Variants in BANK1 observed in about 807,000 individuals in gnomAD.
BANK1 encodes the protein B-cell scaffold protein with ankyrin repeats.
In BANK1, 95 loss-of-function variants were observed where a neutral mutation model predicts 94.5. That is an observed-to-expected ratio of 1.00 (90% CI 0.85 to 1.19). The LOEUF is 1.19. Among genes scored for constraint, BANK1 ranks in the 50% most tolerant of loss-of-function variants. The probability of loss-of-function intolerance (pLI) is 0.00; values close to 1 mark genes in which losing one functional copy is unlikely to be tolerated. For missense variants in BANK1, 987 were observed against 932.2 expected (o/e 1.06, Z -0.77); for synonymous variants, 334 against 308.4 (o/e 1.08, Z -0.87).
rs757524477 is a variant in BANK1, at chr4:101,790,943, G to A, written c.63G>A (p.Ala21=). ...CGGACCCCGCCCCCTGCGGCCCAGCGCCCCCAGGTGGGTAGTCGCGCATTC... is the reference window on the plus strand; with the variant it reads ...CGGACCCCGCCCCCTGCGGCCCAGCACCCCCAGGTGGGTAGTCGCGCATTC... The part of the protein sequence containing the change: ...GSPDPAPCGP[A]PPGNTKDIIM... Residue 21 remains alanine, a synonymous_variant, in exon 1 of 17, where the codon GCG becomes GCA. Coordinates refer to ENST00000322953, the MANE Select transcript of BANK1 (RefSeq NM_017935.5). 8.8e-5 allele frequency: 133 copies of A among 1,519,676 alleles called. No homozygotes were observed. In the South Asian group the frequency reaches 1.3e-3, roughly 15 times the overall value. The allele number at this position is 1,519,676 out of a possible 1,614,324, so 94.1% of individuals were successfully genotyped here. A position where few individuals can be genotyped will look rare whatever the true frequency, so the allele number is the denominator to read the frequency against.
intron 3 of BANK1, among the ~76,000 whole-genome samples, chr4:101,857,248 C>T (rs1165957993): frequency 2.0e-5 from 3 of 152,172 alleles, no homozygotes; most frequent in Admixed American, 1.3e-4. Flanking sequence ...CTCAGTCAGT[C>T]ACCAGGTCTT....
intron 8 of BANK1, among the ~76,000 whole-genome samples, chr4:102,021,838 A>G (rs887970388): frequency 1.7e-4 from 26 of 152,112 alleles, no homozygotes; most frequent in Non-Finnish European, 2.8e-4. Flanking sequence ...GGAATACACA[A>G]ATAACTCTGT....
intron 1 of BANK1, among the ~76,000 whole-genome samples, chr4:101,811,136 C>T (rs914298571): frequency 1.3e-5 from 2 of 152,142 alleles, no homozygotes; most frequent in Non-Finnish European, 1.5e-5. Context: ...TTCTATGAGT[C>T]TTTGTGCTAG....
rs868322060 is a variant in BANK1, at chr4:102,073,761, C to T, written c.*5+13C>T. 2 of 1,592,430 alleles carry T rather than the reference C, an allele frequency of 1.3e-6. No homozygotes were observed. The highest frequency in any genetic ancestry group is 1.7e-4 in the Middle Eastern group (1 of 5,994). ...ATCATTAAAGAAGGTAAAATATTAG[C>T]TGTGTATATTTTTTAGAAAATCTAA... is the stretch of plus-strand genomic sequence containing the variant. On this transcript the variant is annotated intron_variant, in intron 16 of 16. Coordinates refer to ENST00000322953, the MANE Select transcript of BANK1 (RefSeq NM_017935.5).
intron 7 of BANK1, among the ~76,000 whole-genome samples, chr4:101,922,788 A>G (rs987384511): frequency 1.1e-4 from 17 of 151,886 alleles, no homozygotes; most frequent in Admixed American, 7.2e-4. Context: ...AATAAGTCAC[A>G]TAATTGCATT....
intron 7 of BANK1, among the ~76,000 whole-genome samples, chr4:101,934,967 A>T (rs934753561): frequency 2.0e-5 from 3 of 151,410 alleles, no homozygotes; most frequent in Non-Finnish European, 1.5e-5. Context: ...TGACCATACT[A>T]TTTAAAATTG....
At chr4:101,995,166 G>C (rs925454806) in intron 7 of BANK1, among the ~76,000 whole-genome samples, 1 of 151,606 alleles carries the variant, frequency 6.6e-6, no homozygotes, top group African/African-American at 2.4e-5. Context: ...TTCTGATTCA[G>C]CTCCCTCTTA....
At chr4:101,929,526 G>T (rs144632410) in intron 7 of BANK1, among the ~76,000 whole-genome samples, 1 of 151,280 alleles carries the variant, frequency 6.6e-6, no homozygotes, top group African/African-American at 2.4e-5. Context: ...ACTGTATATG[G>T]CTTTCAAAAC....
intron 13 of BANK1, among the ~76,000 whole-genome samples, chr4:102,064,754 A>C (rs1728534005): frequency 6.6e-6 from 1 of 152,236 alleles, no homozygotes; most frequent in African/African-American, 2.4e-5. Context: ...AAGACTATGA[A>C]TAATTCTAGA....
intron 7 of BANK1, among the ~76,000 whole-genome samples, chr4:102,006,974 TA>T (rs1464884974): frequency 6.6e-5 from 9 of 135,472 alleles, no homozygotes; most frequent in South Asian, 2.3e-4. Context: ...TTTTTTAAAG[TA>T]AAAAAAAAGA....
intron 7 of BANK1, among the ~76,000 whole-genome samples, chr4:101,920,812 G>A (rs192482484): frequency 6.6e-6 from 1 of 151,930 alleles, no homozygotes; most frequent in East Asian, 1.9e-4. Flanking sequence ...AATAAAGTGG[G>A]TAGAAGGAAA....
In BANK1 at chr4:101,803,997, C is replaced by CA. The variant is rs55704915; in HGVS notation, c.70+13075dup. Among the ~76,000 whole-genome samples the CA allele has an allele frequency of 8.4e-3, 574 of 68,390 alleles. 51 individuals carry two copies. The highest frequency in any genetic ancestry group is 0.011 in the Non-Finnish European group (437 of 41,594). 44.9% of individuals were successfully genotyped at this position (68,390 alleles called of 152,430 possible). A position where few individuals can be genotyped will look rare whatever the true frequency, so the allele number is the denominator to read the frequency against. On this transcript the variant is annotated intron_variant, in intron 1 of 16. Transcript: ENST00000322953. Reference sequence around the variant, plus strand: ...TGGGCGACAGAGCGAGACTCCGTCTCAAAAAAAAAAAAAAAAAAAAAAAAA... The same window carrying CA: ...TGGGCGACAGAGCGAGACTCCGTCTCAAAAAAAAAAAAAAAAAAAAAAAAAA...
At chr4:101,867,229 C>A (rs1728108637) in intron 4 of BANK1, among the ~76,000 whole-genome samples, 2 of 136,984 alleles carry the variant, frequency 1.5e-5, no homozygotes, top group African/African-American at 5.2e-5. Context: ...AGAAACCACA[C>A]AAGCAAGAAA....
intron 1 of BANK1, among the ~76,000 whole-genome samples, chr4:101,823,416 C>T (rs917595324): frequency 2.6e-5 from 4 of 152,100 alleles, no homozygotes; most frequent in African/African-American, 9.7e-5. Flanking sequence ...TTGAGTATGG[C>T]CTTCCTGCTC....
chr4:102,052,307 AG>A (rs1728080092), intron 11 of BANK1, among the ~76,000 whole-genome samples: 1 of 151,626 alleles, frequency 6.6e-6, no homozygotes, highest in African/African-American at 2.4e-5. Context: ...TAGTAGAGAT[AG>A]GGTTTCACCA....
chr4:102,004,604 A>T (rs1476147093), intron 7 of BANK1, among the ~76,000 whole-genome samples: 1 of 152,170 alleles, frequency 6.6e-6, no homozygotes, highest in Admixed American at 6.5e-5. Flanking sequence ...CTTCCACAAG[A>T]TGGAATCTGT....
At chr4:101,896,400 T>C (rs938556802) in intron 6 of BANK1, among the ~76,000 whole-genome samples, 32 of 151,884 alleles carry the variant, frequency 2.1e-4, no homozygotes, top group African/African-American at 7.2e-4. Context: ...AGCAGTTTTG[T>C]CATCAGCCTG....
At chr4:102,007,150 A>ATATATATATATATATAAAAAATATATTT (rs1560682364) in intron 7 of BANK1, among the ~76,000 whole-genome samples, 2 of 22,544 alleles carry the variant, frequency 8.9e-5, no homozygotes, top group African/African-American at 1.2e-4. Context: ...TATATTTTAT[A>ATATATATATATATATAAAAAATATATTT]TATATATATA....
intron 5 of BANK1, among the ~76,000 whole-genome samples, chr4:101,874,355 C>T (rs893563299): frequency 6.6e-6 from 1 of 152,140 alleles, no homozygotes; most frequent in African/African-American, 2.4e-5. Context: ...TGAATTAAAG[C>T]TTAGATGTTA....
Sources: gnomAD v4.1 joint callset for allele counts (sites outside exome capture counted in the v4.1 genomes callset) on GRCh38, gnomAD v4.1.1 for gene constraint, MANE v1.5 for transcripts, NCBI Gene and HGNC (gene_info 2026-07-23, HGNC 2026-07-21) for gene names.